The following ZBTB7C variants were observed in gnomAD, a reference collection of about 807,000 sequenced individuals.
ZBTB7C encodes zinc finger and BTB domain containing 7C, also known as zinc finger and BTB domain-containing protein 7C.
A neutral mutation model predicts 25.7 loss-of-function variants in ZBTB7C; 8 were observed. The ratio of observed to expected loss-of-function variants is 0.31; its 90% CI spans 0.18 to 0.56. ZBTB7C has a LOEUF of 0.56. ZBTB7C is among the 20% of genes least tolerant of loss of function. The pLI is 0.91. For missense variants in ZBTB7C, 824 were observed against 855.2 expected (o/e 0.96, Z 0.46); for synonymous variants, 394 against 369.0 (o/e 1.07, Z -0.78).
At chr18:48,101,363 CAAAGT>C (rs1156970576) in intron 3 of ZBTB7C, among the ~76,000 whole-genome samples, 1 of 152,156 alleles carries the variant, frequency 6.6e-6, no homozygotes, top group African/African-American at 2.4e-5. Context: ...ACTTAATAGT[CAAAGT>C]AAACAGGTGG....
intron 2 of ZBTB7C, among the ~76,000 whole-genome samples, chr18:48,275,475 C>T (rs745701260): frequency 1.3e-5 from 2 of 152,124 alleles, no homozygotes; most frequent in South Asian, 2.1e-4. Context: ...GTACAGTGCC[C>T]GGCCCAGAGT....
At chr18:48,367,904 G>A (rs1568404943) in intron 1 of ZBTB7C, among the ~76,000 whole-genome samples, 1 of 151,288 alleles carries the variant, frequency 6.6e-6, no homozygotes, top group Non-Finnish European at 1.5e-5. Flanking sequence ...GGGAGAGTGG[G>A]AAACCTGGAC....
chr18:48,358,897 G>T (rs2047038252), intron 1 of ZBTB7C, among the ~76,000 whole-genome samples: 1 of 152,140 alleles, frequency 6.6e-6, no homozygotes, highest in Non-Finnish European at 1.5e-5. Flanking sequence ...ACTAGTCCCG[G>T]TTTCCTCCTC....
intron 3 of ZBTB7C, among the ~76,000 whole-genome samples, chr18:48,170,226 TGCTGAATGATGG>T (rs1268945776): frequency 6.6e-6 from 1 of 152,214 alleles, no homozygotes; most frequent in Non-Finnish European, 1.5e-5. Flanking sequence ...ATTCTTACTG[TGCTGAATGATGG>T]GCACCTGCTT....
intron 1 of ZBTB7C, among the ~76,000 whole-genome samples, chr18:48,376,391 C>G (rs565559612): frequency 1.2e-4 from 18 of 151,782 alleles, no homozygotes; most frequent in African/African-American, 4.1e-4. Context: ...AGAAGCAGAT[C>G]GTTTGAAAAA....
At chr18:48,337,912 T>C (rs2046492792) in intron 2 of ZBTB7C, among the ~76,000 whole-genome samples, 1 of 152,176 alleles carries the variant, frequency 6.6e-6, no homozygotes, top group South Asian at 2.1e-4. Context: ...ACATGCTATG[T>C]CCATAAAGGC....
chr18:48,034,837 G>C (rs1025093453), intron 4 of ZBTB7C, among the ~76,000 whole-genome samples: 1 of 152,148 alleles, frequency 6.6e-6, no homozygotes, highest in African/African-American at 2.4e-5. Flanking sequence ...AGAGCTCATC[G>C]TCGGGAAAGT....
At chr18:48,056,678 C>G (rs1331817574) in intron 3 of ZBTB7C, among the ~76,000 whole-genome samples, 5 of 151,968 alleles carry the variant, frequency 3.3e-5, no homozygotes, top group Non-Finnish European at 7.4e-5. Context: ...ACTAGGCAAC[C>G]ATGTAGGAGA....
At position 48,027,026 on chromosome 18, in the gene ZBTB7C, T is replaced by C. The variant is rs980786516; in HGVS notation, c.*2234A>G. ...AAACTTTGTTGAGTGTCATTTTACG[T>C]AGAGCAATCACATAAAAAAAGAGTT... On this transcript the variant is annotated 3_prime_UTR_variant, in exon 5 of 5. Transcript: ENST00000590800. 6.7e-6 allele frequency: 1 copy of C among 149,938 alleles called. No individual in the cohort carries two copies. The highest frequency in any genetic ancestry group is 2.5e-5 in the African/African-American group (1 of 40,618). The allele number at this position is 149,938 out of a possible 1,614,324, so 9.3% of individuals were successfully genotyped here.
At chr18:48,225,068 C>T (rs2043054850) in intron 2 of ZBTB7C, among the ~76,000 whole-genome samples, 1 of 152,184 alleles carries the variant, frequency 6.6e-6, no homozygotes, top group Non-Finnish European at 1.5e-5. Flanking sequence ...CCAGGTAATC[C>T]AGGTGGCTTG....
chr18:48,248,006 A>T (rs2043744870), intron 2 of ZBTB7C, among the ~76,000 whole-genome samples: 1 of 152,172 alleles, frequency 6.6e-6, no homozygotes, highest in Non-Finnish European at 1.5e-5. Context: ...GTAGTGAATA[A>T]GTCTCACAAA....
chr18:48,054,870 T>G (rs538390010), intron 3 of ZBTB7C, among the ~76,000 whole-genome samples: 3 of 152,340 alleles, frequency 2.0e-5, no homozygotes, highest in Non-Finnish European at 4.4e-5. Flanking sequence ...TGATGGCTGT[T>G]TGGTTCCCTT....
intron 4 of ZBTB7C, among the ~76,000 whole-genome samples, chr18:48,039,636 C>T (rs895241939): frequency 6.6e-6 from 1 of 152,226 alleles, no homozygotes; most frequent in Non-Finnish European, 1.5e-5. Flanking sequence ...GCCTCACTTC[C>T]TTCCCAGCCA....
chr18:48,093,546 C>T (rs899373105), intron 3 of ZBTB7C, among the ~76,000 whole-genome samples: 1 of 152,204 alleles, frequency 6.6e-6, no homozygotes, highest in East Asian at 1.9e-4. Flanking sequence ...CTCCTGATGG[C>T]CCACAATCCA....
chr18:48,041,307 C>T (rs1180426029), intron 3 of ZBTB7C, 184 bp from the exon 4 acceptor site: 4 of 985,296 alleles, frequency 4.1e-6, no homozygotes, highest in Non-Finnish European at 4.8e-6. Context: ...CAAGCTGGGG[C>T]TTTTCTCTGG....
intron 3 of ZBTB7C, among the ~76,000 whole-genome samples, chr18:48,116,414 C>T (rs1393042241): frequency 6.6e-6 from 1 of 152,210 alleles, no homozygotes; most frequent in East Asian, 1.9e-4. Flanking sequence ...CTTCCCAGGA[C>T]CTACCAGCGA....
chr18:48,111,185 C>T lies in ZBTB7C; in HGVS notation c.-16-70062G>A, dbSNP rs186204087. Among the ~76,000 whole-genome samples, 668 of 152,278 alleles carry T rather than the reference C, an allele frequency of 4.4e-3. 1 individual carries two copies. The highest frequency in any genetic ancestry group is 6.8e-3 in the Non-Finnish European group (465 of 68,020). ...TGGGTGTGTCACCTCCACCTCCCCACCCCATCCTTTCTCATGCTCTCGTCC... is the reference window on the plus strand; with the variant it reads ...TGGGTGTGTCACCTCCACCTCCCCATCCCATCCTTTCTCATGCTCTCGTCC... On this transcript the variant is annotated intron_variant, in intron 3 of 4. Coordinates refer to ENST00000590800, the MANE Select transcript of ZBTB7C (RefSeq NM_001318841.2).
intron 2 of ZBTB7C, among the ~76,000 whole-genome samples, chr18:48,301,950 G>A (rs2045554971): frequency 6.6e-6 from 1 of 152,158 alleles, no homozygotes; most frequent in Non-Finnish European, 1.5e-5. Context: ...ATAAAGGCGA[G>A]AGTCTTCAGG....
At chr18:48,232,552 A>G (rs2043282493) in intron 2 of ZBTB7C, among the ~76,000 whole-genome samples, 1 of 152,172 alleles carries the variant, frequency 6.6e-6, no homozygotes, top group South Asian at 2.1e-4. Flanking sequence ...GAACAGAAGA[A>G]TCATCAGCTA....
Sources: gnomAD v4.1 joint callset for allele counts (sites outside exome capture counted in the v4.1 genomes callset) on GRCh38, gnomAD v4.1.1 for gene constraint, MANE v1.5 for transcripts, NCBI Gene and HGNC (gene_info 2026-07-23, HGNC 2026-07-21) for gene names.